DYSF: variants seen among roughly 807,000 people sequenced by gnomAD.
The protein encoded by DYSF is dysferlin.
In DYSF, 212 loss-of-function variants were observed where a neutral mutation model predicts 274.9. The ratio of observed to expected loss-of-function variants is 0.77; its 90% CI spans 0.69 to 0.86. DYSF has a LOEUF of 0.86. DYSF is among the 40% of genes least tolerant of loss of function. The probability of loss-of-function intolerance (pLI) is 0.00; values close to 1 mark genes in which losing one functional copy is unlikely to be tolerated. For missense variants in DYSF, 2,666 were observed against 2,783.2 expected, an observed-to-expected ratio of 0.96 and a Z score of 0.95; for synonymous variants, 1,091 against 1,078.7, an observed-to-expected ratio of 1.01 and a Z score of -0.22.
chr2:71,462,716 A>G (rs1218589747), upstream of DYSF, among the ~76,000 whole-genome samples: 2 of 152,226 alleles, frequency 1.3e-5, no homozygotes, highest in Non-Finnish European at 2.9e-5. Context: ...ATAAGTGTCT[A>G]GCTTTCAGCA....
chr2:71,561,979 T>G lies in DYSF; in HGVS notation c.2409+35T>G, dbSNP rs770697598. ...CCTGGGGGTGCCTTTCTTCTTCTGC[T>G]CTCCTGCTGCCTGGAACATCAGAAC... On this transcript the variant is annotated intron_variant, in intron 23 of 55. Transcript: ENST00000410020. 3.7e-6 allele frequency: 6 copies of G among 1,601,260 alleles called. No individual in the cohort carries two copies. In the Admixed American group the frequency reaches 1.0e-4, roughly 28 times the overall value.
intron 49 of DYSF, 25 bp from the exon 50 acceptor site, chr2:71,669,087 G>A (rs753176641): frequency 1.3e-6 from 2 of 1,557,162 alleles, no homozygotes; most frequent in Non-Finnish European, 1.7e-6. Context: ...AAATCTAGGT[G>A]GATTAGAGTG....
chr2:71,531,566 C>G (rs759446372), intron 14 of DYSF, among the ~76,000 whole-genome samples: 5 of 151,552 alleles, frequency 3.3e-5, no homozygotes, highest in African/African-American at 9.7e-5. Context: ...CAGAGAGTCT[C>G]AAAACATGGT....
chr2:71,509,676 T>C (rs4852797), intron 4 of DYSF, among the ~76,000 whole-genome samples: 83,693 of 152,080 alleles, frequency 0.55, 24,017 homozygotes, highest in Non-Finnish European at 0.63. Flanking sequence ...TGTTATTATG[T>C]ATTTTCATGT....
rs376086804 is a variant in DYSF at position 71,564,233 on chromosome 2, A to G, written c.2565+20A>G. ...CTGAAAGTGAGTTTTCTTTTTTCCC[A>G]AGTCATGATCGTATTTTTCCCAACA... On this transcript the variant is annotated intron_variant, in intron 24 of 55. Coordinates refer to ENST00000410020, the MANE Select transcript of DYSF (RefSeq NM_001130987.2). 4.8e-5 allele frequency: 77 copies of G among 1,614,146 alleles called. No individual in the cohort carries two copies. Among genetic ancestry groups the G allele is most frequent in the Middle Eastern group, 1.6e-4 (1 of 6,062 alleles).
intron 3 of DYSF, among the ~76,000 whole-genome samples, chr2:71,492,646 A>T (rs760588365): frequency 5.3e-5 from 8 of 151,286 alleles, no homozygotes; most frequent in Non-Finnish European, 8.8e-5. Flanking sequence ...ATTTTACTCC[A>T]TTAGTTTTAG....
At chr2:71,642,484 G>T (rs1032006902) in intron 41 of DYSF, among the ~76,000 whole-genome samples, 3 of 152,194 alleles carry the variant, frequency 2.0e-5, no homozygotes, top group African/African-American at 7.2e-5. Flanking sequence ...CAAGGCTTGG[G>T]TCTGCCTTGC....
chr2:71,607,892 G>A (rs941454841), intron 36 of DYSF, among the ~76,000 whole-genome samples: 16 of 152,110 alleles, frequency 1.1e-4, no homozygotes, highest in Non-Finnish European at 5.9e-5. Context: ...AAGATATTGG[G>A]GCTTAGCAGA....
chr2:71,611,411 C>G (rs1378731494), intron 37 of DYSF, 54 bp from the exon 38 acceptor site: 2 of 1,613,744 alleles, frequency 1.2e-6, no homozygotes, highest in African/African-American at 1.3e-5. Context: ...CTGGCCCCAG[C>G]CTTTCCTGGG....
At chr2:71,551,494 A>C in intron 18 of DYSF, 113 bp from the exon 19 acceptor site, 1 of 888,406 alleles carries the variant, frequency 1.1e-6, no homozygotes. Context: ...AGGTTGGCTG[A>C]GGGACCTCCT....
intron 4 of DYSF, among the ~76,000 whole-genome samples, chr2:71,509,293 G>T (rs1479771845): frequency 6.6e-6 from 1 of 152,176 alleles, no homozygotes; most frequent in Non-Finnish European, 1.5e-5. Flanking sequence ...CTCCTGAGTA[G>T]CTGGAACTAT....
Position 71,620,559 on chromosome 2 carries a change from C to T in DYSF, c.4477C>T (p.Leu1493=). 6.4e-7 allele frequency: 1 copy of T among 1,551,674 alleles called. No individual in the cohort carries two copies. The part of the protein sequence containing the change: ...PLIPIQLADG[L]SSLAPTNTAS... The stretch of plus-strand genomic sequence containing the variant: ...GTTTCATTTGTAGCTTGCAGACGGT[C>T]TGTCGAGCTTGGCCCCCACTAACAC... The change falls in exon 41 of 56, where the codon CTG becomes TTG. Residue 1493 remains leucine, a synonymous_variant. Coordinates refer to ENST00000410020, the MANE Select transcript of DYSF (RefSeq NM_001130987.2).
intron 45 of DYSF, 40 bp from the exon 46 acceptor site, chr2:71,664,228 C>A: frequency 6.2e-7 from 1 of 1,612,994 alleles, no homozygotes; most frequent in Non-Finnish European, 8.5e-7. Flanking sequence ...CCCTTGGGTG[C>A]CCCGTGTTGG....
intron 40 of DYSF, among the ~76,000 whole-genome samples, chr2:71,616,992 C>A (rs1436844830): frequency 6.6e-6 from 1 of 152,110 alleles, no homozygotes; most frequent in African/African-American, 2.4e-5. Context: ...CAGGAACACA[C>A]AGAGAGCCTG....
chr2:71,653,615 T>A (rs1212991861), intron 42 of DYSF, among the ~76,000 whole-genome samples: 39 of 130,324 alleles, frequency 3.0e-4, no homozygotes, highest in Admixed American at 1.6e-3. Flanking sequence ...AACAATGAGA[T>A]CACATGGACA....
upstream of DYSF, among the ~76,000 whole-genome samples, chr2:71,465,278 G>A (rs189875449): frequency 4.1e-4 from 63 of 152,234 alleles, no homozygotes; most frequent in African/African-American, 1.2e-3. Context: ...TGGGGAGTAC[G>A]GGTGATTCAT....
At chr2:71,470,361 T>G (rs1470923976) in intron 1 of DYSF, among the ~76,000 whole-genome samples, 2 of 151,874 alleles carry the variant, frequency 1.3e-5, no homozygotes, top group Non-Finnish European at 2.9e-5. Flanking sequence ...TGTTTACATA[T>G]TACAAATGAC....
At chr2:71,584,557 T>C (rs76765829) in intron 30 of DYSF, among the ~76,000 whole-genome samples, 2,888 of 152,264 alleles carry the variant, frequency 0.019, 79 homozygotes, top group African/African-American at 0.063. Flanking sequence ...GCACCTTGCC[T>C]GTCCTTTGCC....
chr2:71,506,110 T>C (rs1053805459), intron 4 of DYSF, among the ~76,000 whole-genome samples: 1 of 152,070 alleles, frequency 6.6e-6, no homozygotes, highest in South Asian at 2.1e-4. Flanking sequence ...ACGGGACACA[T>C]GTGTTAGGGG....
Sources: allele counts gnomAD v4.1 joint callset (sites outside exome capture counted in the v4.1 genomes callset), GRCh38; gene constraint gnomAD v4.1.1; transcripts MANE v1.5; gene names NCBI Gene and HGNC (gene_info 2026-07-23, HGNC 2026-07-21).